The following PACRG variants were observed in gnomAD, a reference collection of about 807,000 sequenced individuals.
PACRG encodes the protein parkin coregulated gene protein.
PACRG carries 29 observed loss-of-function variants against 29.7 expected under a neutral mutation model. The observed-to-expected ratio is 0.98, with a 90% CI of 0.73 to 1.33. The LOEUF (loss-of-function observed/expected upper bound fraction) is 1.33, where lower values mean the gene tolerates loss of function less well. PACRG is among the 40% of genes most tolerant of loss of function. The pLI is 0.00. For synonymous variants in PACRG, 116 were observed against 118.7 expected (o/e 0.98, Z 0.15); for missense variants, 279 against 316.2 (o/e 0.88, Z 0.89).
chr6:163,237,455 T>C (rs1049015236), intron 4 of PACRG, among the ~76,000 whole-genome samples: 5 of 152,208 alleles, frequency 3.3e-5, no homozygotes, highest in Non-Finnish European at 7.3e-5. Context: ...TAGATGTTAT[T>C]AAATAGGGAG....
chr6:162,913,596 G>T (rs780424576), intron 2 of PACRG, among the ~76,000 whole-genome samples: 6 of 152,098 alleles, frequency 3.9e-5, no homozygotes, highest in African/African-American at 9.7e-5. Context: ...GCTGAGTTGC[G>T]TGGAAAGTGC....
intron 4 of PACRG, among the ~76,000 whole-genome samples, chr6:163,118,846 C>T (rs7747892): frequency 0.11 from 16,044 of 152,228 alleles, 2,801 homozygotes; most frequent in African/African-American, 0.36. Flanking sequence ...TCTCTCCTCT[C>T]ACCTCCTCTT....
At chr6:163,135,932 T>C (rs1330956090) in intron 4 of PACRG, among the ~76,000 whole-genome samples, 1 of 152,270 alleles carries the variant, frequency 6.6e-6, no homozygotes, top group East Asian at 1.9e-4. Flanking sequence ...TTTCTAAAAA[T>C]TGCCTATTTC....
At chr6:162,897,003 T>G (rs2128050771) in intron 2 of PACRG, among the ~76,000 whole-genome samples, 1 of 152,360 alleles carries the variant, frequency 6.6e-6, no homozygotes, top group East Asian at 1.9e-4. Context: ...TGACAAAAGT[T>G]CTGACATCAA....
intron 2 of PACRG, among the ~76,000 whole-genome samples, chr6:162,817,256 G>A (rs1290000774): frequency 6.6e-6 from 1 of 152,162 alleles, no homozygotes; most frequent in Non-Finnish European, 1.5e-5. Context: ...TGGATTAGCT[G>A]ACCTGATCTT....
intron 2 of PACRG, among the ~76,000 whole-genome samples, chr6:162,817,461 G>A (rs1787455203): frequency 6.6e-6 from 1 of 152,162 alleles, no homozygotes; most frequent in African/African-American, 2.4e-5. Context: ...CAACGTGGCA[G>A]GCTGCGTGTC....
intron 1 of PACRG, among the ~76,000 whole-genome samples, chr6:162,789,916 A>T (rs557131948): frequency 2.0e-5 from 3 of 152,278 alleles, no homozygotes; most frequent in Non-Finnish European, 4.4e-5. Flanking sequence ...CATGTCGTCC[A>T]GGTCTGCATA....
chr6:163,159,325 T>G (rs1404301380), intron 4 of PACRG, among the ~76,000 whole-genome samples: 2 of 148,534 alleles, frequency 1.3e-5, no homozygotes, highest in East Asian at 3.9e-4. Context: ...TATTATATAT[T>G]TACATTTTAG....
At chr6:163,305,243 G>A (rs571096248) in intron 4 of PACRG, among the ~76,000 whole-genome samples, 7 of 152,226 alleles carry the variant, frequency 4.6e-5, no homozygotes, top group Non-Finnish European at 8.8e-5. Flanking sequence ...CCTACTCTTC[G>A]TAGAGAATGG....
chr6:163,215,317 G>A (rs978849633), intron 4 of PACRG, among the ~76,000 whole-genome samples: 1 of 152,118 alleles, frequency 6.6e-6, no homozygotes, highest in Admixed American at 6.6e-5. Context: ...TCATTCCATG[G>A]AAAGTGGAAT....
At chr6:162,871,802 C>A (rs1471119483) in intron 2 of PACRG, among the ~76,000 whole-genome samples, 1 of 151,964 alleles carries the variant, frequency 6.6e-6, no homozygotes. Flanking sequence ...CCTGTAGTCC[C>A]AGCTACTCGG....
chr6:163,305,122 C>G (rs1562369628), intron 4 of PACRG, among the ~76,000 whole-genome samples: 2 of 152,336 alleles, frequency 1.3e-5, no homozygotes, highest in East Asian at 3.9e-4. Flanking sequence ...CTCACAGGAG[C>G]CTTCTGCACT....
intron 1 of PACRG, among the ~76,000 whole-genome samples, chr6:162,769,272 GA>G (rs1783028664): frequency 6.6e-6 from 1 of 150,632 alleles, no homozygotes; most frequent in Admixed American, 6.6e-5. Context: ...TTTCCTCCAT[GA>G]AAAGAATAAG....
At chr6:162,773,576 G>A (rs934782789) in intron 1 of PACRG, among the ~76,000 whole-genome samples, 12 of 127,672 alleles carry the variant, frequency 9.4e-5, no homozygotes, top group African/African-American at 3.3e-4. Context: ...CTGCAGTGGC[G>A]CAATCTCGGC....
At chr6:162,807,768 TG>T (rs1786482082) in intron 1 of PACRG, among the ~76,000 whole-genome samples, 1 of 152,056 alleles carries the variant, frequency 6.6e-6, no homozygotes, top group South Asian at 2.1e-4. Context: ...GTTGGAAAAA[TG>T]GCACTGATAG....
At chr6:163,187,474 C>T (rs963363378) in intron 4 of PACRG, among the ~76,000 whole-genome samples, 5 of 152,166 alleles carry the variant, frequency 3.3e-5, no homozygotes, top group Non-Finnish European at 7.3e-5. Context: ...TCCTCCCCTC[C>T]ATGAATGTAT....
chr6:163,062,351 AGTTTATACG>A, intron 3 of PACRG, 30 bp downstream of exon 3: 1 of 1,595,864 alleles, frequency 6.3e-7, no homozygotes, highest in African/African-American at 1.3e-5. Flanking sequence ...AGCATCACTC[AGTTTATACG>A]GTGTTGCTTT....
chr6:163,074,502 G>T (rs1185319224), intron 3 of PACRG, among the ~76,000 whole-genome samples: 1 of 151,956 alleles, frequency 6.6e-6, no homozygotes, highest in Non-Finnish European at 1.5e-5. Flanking sequence ...AGCAAAACAG[G>T]GTGACTATAG....
intron 2 of PACRG, among the ~76,000 whole-genome samples, chr6:162,949,281 A>C (rs9355412): frequency 0.54 from 82,106 of 151,976 alleles, 22,783 homozygotes; most frequent in Middle Eastern, 0.71. Flanking sequence ...GTTCTCCCTC[A>C]TATGTGGGAG....
Sources: gnomAD v4.1 joint callset for allele counts (sites outside exome capture counted in the v4.1 genomes callset) on GRCh38, gnomAD v4.1.1 for gene constraint, MANE v1.5 for transcripts, NCBI Gene and HGNC (gene_info 2026-07-23, HGNC 2026-07-21) for gene names.